The following LLGL2 variants were observed in gnomAD, a reference collection of about 807,000 sequenced individuals.
LLGL2 encodes LLGL scribble cell polarity complex component 2, also known as LLGL2, scribble cell polarity complex component.
A neutral mutation model predicts 123.2 loss-of-function variants in LLGL2; 81 were observed. The observed-to-expected ratio is 0.66, with a 90% CI of 0.55 to 0.79. The LOEUF (loss-of-function observed/expected upper bound fraction) is 0.79, where lower values mean the gene tolerates loss of function less well. Ranked by LOEUF, LLGL2 falls within the 30% of genes least tolerant of loss-of-function variation. LLGL2 has a pLI of 0.00. For synonymous variants in LLGL2, 577 were observed against 594.1 expected (o/e 0.97, Z 0.42); for missense variants, 1,273 against 1,414.6 (o/e 0.90, Z 1.61).
Position 75,544,464 on chromosome 17 carries a change from GT to G in LLGL2, c.75+964del, listed in dbSNP as rs2147214255. On this transcript the variant is annotated intron_variant, in intron 2 of 25. Transcript: ENST00000392550. The surrounding 1 kb of genome is among the most constrained non-coding windows in gnomAD (Gnocchi z 4.2). ...GGAGAATGAGGAAGTCTCTTTGGTT[GT>G]ATTTTTGTTATTGATTTGAGAACTG... Among the ~76,000 whole-genome samples the G allele has an allele frequency of 6.6e-6, 1 of 152,370 alleles. No homozygotes were observed. The highest frequency in any genetic ancestry group is 2.1e-4 in the South Asian group (1 of 4,828).
intron 14 of LLGL2, 121 bp downstream of exon 14, chr17:75,569,446 G>T: frequency 1.2e-6 from 1 of 813,840 alleles, no homozygotes; most frequent in Non-Finnish European, 2.0e-6. Context: ...TCCGGTGGAT[G>T]GAGGTGGCTT....
In LLGL2 at chr17:75,559,224, G is replaced by T; in HGVS notation, c.372-28G>T. 6.4e-7 allele frequency: 1 copy of T among 1,561,152 alleles called. No individual in the cohort carries two copies. On this transcript the variant is annotated intron_variant, in intron 5 of 25. Transcript: ENST00000392550. This position sits in a 1 kb window ranked among gnomAD's most constrained non-coding sequence, Gnocchi z 4.6. Reference sequence around the variant, plus strand: ...GCATCTCCCCTGCTGGGCAGTGGTCGGCTCACGGGCAGCTGTTCTTGTCAC... The same window carrying T: ...GCATCTCCCCTGCTGGGCAGTGGTCTGCTCACGGGCAGCTGTTCTTGTCAC...
chr17:75,539,226 T>G (rs899705530), intron 1 of LLGL2, among the ~76,000 whole-genome samples: 3 of 151,946 alleles, frequency 2.0e-5, no homozygotes, highest in African/African-American at 7.3e-5. Context: ...CCCAGCTAAT[T>G]TTGTTTTTAT....
At chr17:75,548,699 T>C (rs974349837) in intron 2 of LLGL2, among the ~76,000 whole-genome samples, 4 of 149,006 alleles carry the variant, frequency 2.7e-5, no homozygotes, top group Non-Finnish European at 4.4e-5. Context: ...GAGGTTGCAG[T>C]GAGCCAAGAT....
At chr17:75,541,059 G>GAGC (rs1048250190) in intron 1 of LLGL2, among the ~76,000 whole-genome samples, 2 of 152,208 alleles carry the variant, frequency 1.3e-5, no homozygotes, top group African/African-American at 4.8e-5. Flanking sequence ...GTGCCCCAGG[G>GAGC]AGCATTTGGG....
At chr17:75,531,699 C>G (rs1287172577) in intron 1 of LLGL2, among the ~76,000 whole-genome samples, 1 of 152,216 alleles carries the variant, frequency 6.6e-6, no homozygotes, top group Non-Finnish European at 1.5e-5. Flanking sequence ...TTTGCCCTCC[C>G]CAGCCCTGGC....
At chr17:75,530,228 C>T (rs2053726022) in intron 1 of LLGL2, among the ~76,000 whole-genome samples, 3 of 152,144 alleles carry the variant, frequency 2.0e-5, no homozygotes, top group Admixed American at 2.0e-4. Flanking sequence ...TCTGGCTGGG[C>T]ATTTTGGCTC....
chr17:75,546,413 C>G (rs549372910), intron 2 of LLGL2: 19 of 159,870 alleles, frequency 1.2e-4, no homozygotes, highest in African/African-American at 4.6e-4. Context: ...GCCACTCCAT[C>G]CATAGAGTTG....
At chr17:75,555,445 T>TA (rs2054866461) in intron 2 of LLGL2, among the ~76,000 whole-genome samples, 1 of 152,016 alleles carries the variant, frequency 6.6e-6, no homozygotes, top group East Asian at 2.0e-4. Context: ...TATTCTGTAA[T>TA]AAATGAAAAA....
At chr17:75,563,708 C>A (rs370601184) in intron 8 of LLGL2, 44 bp from the exon 9 acceptor site, 29 of 1,608,594 alleles carry the variant, frequency 1.8e-5, no homozygotes, top group Non-Finnish European at 2.4e-5. Context: ...TGACACTTGT[C>A]TGAGAGTTTG....
intron 1 of LLGL2, among the ~76,000 whole-genome samples, chr17:75,531,963 C>T (rs1016338644): frequency 5.3e-5 from 8 of 151,422 alleles, no homozygotes; most frequent in Non-Finnish European, 8.8e-5. Flanking sequence ...AGCCTTCTCT[C>T]GAGACACCTG....
chr17:75,535,214 G>A (rs1178298029), intron 1 of LLGL2, among the ~76,000 whole-genome samples: 1 of 152,232 alleles, frequency 6.6e-6, no homozygotes, highest in Non-Finnish European at 1.5e-5. Flanking sequence ...GTGCAGGGGC[G>A]GATTCACATC....
chr17:75,532,817 G>A (rs2053850561), intron 1 of LLGL2, among the ~76,000 whole-genome samples: 4 of 152,200 alleles, frequency 2.6e-5, no homozygotes, highest in South Asian at 2.1e-4. Context: ...AGGGTATTCC[G>A]AACAGGATGC....
rs1474708870 is a variant in LLGL2, at chr17:75,558,660, C to A, written c.371+33C>A. ...CTCAATCCCCAGCCCCTTCCACTCC[C>A]AGCCCAGCCTGACCCTTGCCCTTAG... On this transcript the variant is annotated intron_variant, in intron 5 of 25. Transcript: ENST00000392550. This position sits in a 1 kb window ranked among gnomAD's most constrained non-coding sequence, Gnocchi z 4.0. The A allele has an allele frequency of 1.3e-6, 2 of 1,511,598 alleles. No individual in the cohort carries two copies. Among genetic ancestry groups the A allele is most frequent in the Non-Finnish European group, 1.8e-6 (2 of 1,108,278 alleles). The allele number at this position is 1,511,598 out of a possible 1,614,324, so 93.6% of individuals were successfully genotyped here. A position where few individuals can be genotyped will look rare whatever the true frequency, so the allele number is the denominator to read the frequency against.
At chr17:75,568,373 C>G in intron 10 of LLGL2, 103 bp from the exon 11 acceptor site, 1 of 1,476,834 alleles carries the variant, frequency 6.8e-7, no homozygotes, top group Non-Finnish European at 8.9e-7. Flanking sequence ...ACAGGGCTTT[C>G]TGGATCTGCA....
intron 2 of LLGL2, among the ~76,000 whole-genome samples, chr17:75,545,824 C>T (rs992273949): frequency 2.6e-5 from 4 of 152,164 alleles, no homozygotes; most frequent in Admixed American, 6.5e-5. Context: ...ACTGGAAGCC[C>T]AGCCAGTGGG....
Position 75,559,415 on chromosome 17 carries a change from G to T in LLGL2, c.530+5G>T. On this transcript the variant is annotated splice_donor_5th_base_variant and intron_variant, in intron 6 of 25. Transcript: ENST00000392550. The surrounding 1 kb of genome is among the most constrained non-coding windows in gnomAD (Gnocchi z 4.6). ...CTCGGACGCGGTGCTGCAGCGGTGA[G>T]CCCAGAGCCCAGCTGCTGTTAACTC... The T allele has an allele frequency of 6.3e-7, 1 of 1,596,710 alleles. No individual in the cohort carries two copies. Among genetic ancestry groups the T allele is most frequent in the Non-Finnish European group, 8.5e-7 (1 of 1,172,396 alleles).
chr17:75,563,114 G>T lies in LLGL2; in HGVS notation c.629G>T (p.Arg210Leu). ...AACCAGATCCTGATCGGCTACAGCC[G>T]AGGCCTCGTTGTCATCTGGGACCTA... ...DPNQILIGYSRGLVVIWDLQG... is the reference protein window; with the variant it reads ...DPNQILIGYSLGLVVIWDLQG... The change falls in exon 7 of 26, where the codon CGA (arginine) becomes CTA (leucine). Residue 210 changes from arginine to leucine, a missense_variant. Arg to Leu is a moderately radical substitution (Grantham distance 102). Transcript: ENST00000392550. 4 of 1,613,152 alleles carry T rather than the reference G, an allele frequency of 2.5e-6. No individual in the cohort carries two copies. The highest frequency in any genetic ancestry group is 1.3e-5 in the African/African-American group (1 of 75,070).
In LLGL2 at chr17:75,571,633, A is replaced by C. The variant is rs773055135; in HGVS notation, c.2177-34A>C. 9.2e-6 allele frequency: 14 copies of C among 1,522,882 alleles called. No individual in the cohort carries two copies. In the African/African-American group the frequency reaches 1.4e-4, roughly 15 times the overall value. The allele number at this position is 1,522,882 out of a possible 1,614,324, so 94.3% of individuals were successfully genotyped here. ...CCCAGCTCCACCCGACTCCCACGCT[A>C]AGGGTCAGACACCCAAACATGGCTT... On this transcript the variant is annotated intron_variant, in intron 17 of 25. Coordinates refer to ENST00000392550, the MANE Select transcript of LLGL2 (RefSeq NM_001031803.2).
Sources: allele counts gnomAD v4.1 joint callset (sites outside exome capture counted in the v4.1 genomes callset), GRCh38; gene constraint gnomAD v4.1.1; non-coding constraint Gnocchi (gnomAD v3.1); transcripts MANE v1.5; gene names NCBI Gene and HGNC (gene_info 2026-07-23, HGNC 2026-07-21).